The following SETD5 variants were observed in gnomAD, a reference collection of about 807,000 sequenced individuals.
SETD5 encodes SET domain containing 5.
SETD5 carries 44 observed loss-of-function variants against 153.3 expected under a neutral mutation model. The ratio of observed to expected loss-of-function variants is 0.29; its 90% CI spans 0.23 to 0.37. SETD5 has a LOEUF of 0.37. Among genes scored for constraint, SETD5 ranks in the 10% least tolerant of loss-of-function variants. The pLI is 1.00. For missense variants in SETD5, 1,544 were observed against 1,768.0 expected (o/e 0.87, Z 2.27); for synonymous variants, 716 against 645.2 (o/e 1.11, Z -1.66).
At position 9,463,088 on chromosome 3, in the gene SETD5, C is replaced by G. The variant is rs921398242; in HGVS notation, c.2477-1337C>G. Among the ~76,000 whole-genome samples, 58 of 152,176 alleles carry G rather than the reference C, an allele frequency of 3.8e-4. 1 individual carries two copies. The highest frequency in any genetic ancestry group is 1.4e-3 in the African/African-American group (57 of 41,426). ...AGGCTAGAGTACAGTGGTGCAGTCT[C>G]AACTCGCTGCAACCTCTGCCTCCTG... On this transcript the variant is annotated intron_variant, in intron 17 of 22. Coordinates refer to ENST00000402198, the MANE Select transcript of SETD5 (RefSeq NM_001080517.3).
intron 1 of SETD5, among the ~76,000 whole-genome samples, chr3:9,406,062 G>A (rs75809832): frequency 0.018 from 2,738 of 152,200 alleles, 49 homozygotes; most frequent in Non-Finnish European, 0.026. Flanking sequence ...CTACTTCTGC[G>A]TTTATTTTAC....
intron 1 of SETD5, among the ~76,000 whole-genome samples, chr3:9,403,262 A>T (rs897369521): frequency 7.2e-5 from 11 of 152,216 alleles, no homozygotes; most frequent in African/African-American, 1.9e-4. Flanking sequence ...GAAAAATAAA[A>T]AAATAAATAA....
Position 9,397,707 on chromosome 3 carries a change from C to T in SETD5, c.-447C>T. On this transcript the variant is annotated 5_prime_UTR_variant, in exon 1 of 23. Transcript: ENST00000402198. ...GCCGCTGCCGGGGGAGGGGCGGCCGCCGCCCGCCTGCGCTCAGAGACTCAC... is the reference window on the plus strand; with the variant it reads ...GCCGCTGCCGGGGGAGGGGCGGCCGTCGCCCGCCTGCGCTCAGAGACTCAC... 5.6e-6 allele frequency: 1 copy of T among 177,840 alleles called. No individual in the cohort carries two copies. Among genetic ancestry groups the T allele is most frequent in the Non-Finnish European group, 1.1e-5 (1 of 89,370 alleles). The allele number at this position is 177,840 out of a possible 1,614,324, so 11.0% of individuals were successfully genotyped here. A position where few individuals can be genotyped will look rare whatever the true frequency, so the allele number is the denominator to read the frequency against.
chr3:9,428,026 TC>T (rs2039516344), intron 2 of SETD5, among the ~76,000 whole-genome samples: 1 of 152,218 alleles, frequency 6.6e-6, no homozygotes, highest in Admixed American at 6.5e-5. Flanking sequence ...CTTCGTGATT[TC>T]GGGGGTTTTT....
chr3:9,431,319 TATATCTGTTGTGAGC>T, intron 3 of SETD5: 1 of 985,378 alleles, frequency 1.0e-6, no homozygotes, highest in Middle Eastern at 5.2e-4. Flanking sequence ...GTTGATGGAG[TATATCTGTTGTGAGC>T]CTGGTTTCTG....
At chr3:9,474,964 C>G in intron 21 of SETD5, 104 bp from the exon 22 acceptor site, 2 of 982,584 alleles carry the variant, frequency 2.0e-6, no homozygotes, top group South Asian at 3.2e-5. Context: ...ACAAAGAGAG[C>G]AGTACGGGTT....
At position 9,473,024 on chromosome 3, in the gene SETD5, A is replaced by G. The variant is rs144087363; in HGVS notation, c.3196-212A>G. 2.3e-3 allele frequency among the ~76,000 whole-genome samples: 351 copies of G among 152,240 alleles called. 1 individual carries two copies. Among genetic ancestry groups the G allele is most frequent in the African/African-American group, 8.0e-3 (334 of 41,534 alleles). On this transcript the variant is annotated intron_variant, in intron 19 of 22. Transcript: ENST00000402198. Reference sequence around the variant, plus strand: ...CCTCCTAGTTTATTATCTTCCTCTTACCAATTTCCAGCTGCCTTAAATATG... The same window carrying G: ...CCTCCTAGTTTATTATCTTCCTCTTGCCAATTTCCAGCTGCCTTAAATATG...
rs1407724433 is a variant in SETD5 at position 9,470,016 on chromosome 3, A to G, written c.2725-443A>G. Among the ~76,000 whole-genome samples the G allele has an allele frequency of 2.0e-5, 3 of 151,926 alleles. No homozygotes were observed. In the East Asian group the frequency reaches 5.8e-4, roughly 29 times the overall value. The stretch of plus-strand genomic sequence containing the variant: ...CCTTTTTCCCTTCCCCCCACCTTCC[A>G]TCAATATTAATTTAGAAATTGATAA... On this transcript the variant is annotated intron_variant, in intron 18 of 22. Transcript: ENST00000402198.
Position 9,441,727 on chromosome 3 carries a change from G to A in SETD5, c.945G>A (p.Gly315=). 1 of 1,613,948 alleles carries A rather than the reference G, an allele frequency of 6.2e-7. No homozygotes were observed. Among genetic ancestry groups the A allele is most frequent in the Non-Finnish European group, 8.5e-7 (1 of 1,179,844 alleles). ...TACGACAGCAATTTGAGGTCAATGG[G>A]CATTTCTTCAAAAAGTAAGAACGTC... The part of the protein sequence containing the change: ...VMLRQQFEVN[G]HFFKKPYPFV... Residue 315 remains glycine (G), a synonymous_variant, in exon 9 of 23, where the codon GGG becomes GGA. Coordinates refer to ENST00000402198, the MANE Select transcript of SETD5 (RefSeq NM_001080517.3).
intron 3 of SETD5, chr3:9,433,607 C>T: frequency 8.4e-7 from 1 of 1,193,200 alleles, no homozygotes; most frequent in South Asian, 1.4e-5. Context: ...TCTCAGGTGC[C>T]TGCCTTCAGA....
chr3:9,434,837 G>A lies in SETD5; in HGVS notation c.343G>A (p.Gly115Arg), dbSNP rs2040365808. The stretch of plus-strand genomic sequence containing the variant: ...TTCCCTCTTTAGGGGAATGAGCAGG[G>A]GGAAGGTTATTAGACTTCATCGGCG... Reference protein sequence around the residue: ...NCDKCRGMSRGKVIRLHRRKQ... With the variant: ...NCDKCRGMSRRKVIRLHRRKQ... The change falls in exon 6 of 23, where the codon GGG (glycine) becomes AGG (arginine). Residue 115 changes from glycine to arginine, a missense_variant. Gly to Arg is a moderately radical substitution (Grantham distance 125, BLOSUM62 -2). This residue lies in a region of SETD5 where 251 missense variants were observed against 326.9 expected (regional missense o/e 0.77). Coordinates refer to ENST00000402198, the MANE Select transcript of SETD5 (RefSeq NM_001080517.3). This position sits in a 1 kb window ranked among gnomAD's most constrained non-coding sequence, Gnocchi z 5.6. 1 of 1,613,310 alleles carries A rather than the reference G, an allele frequency of 6.2e-7. No individual in the cohort carries two copies. Among genetic ancestry groups the A allele is most frequent in the Admixed American group, 1.7e-5 (1 of 59,928 alleles).
intron 17 of SETD5, among the ~76,000 whole-genome samples, chr3:9,458,314 A>T (rs996674276): frequency 9.2e-5 from 14 of 152,034 alleles, no homozygotes; most frequent in East Asian, 3.8e-4. Flanking sequence ...AAATATATAT[A>T]TTTTTTTAAT....
At position 9,397,660 on chromosome 3, in the gene SETD5, C is replaced by T. The variant is rs1191599198; in HGVS notation, c.-494C>T. On this transcript the variant is annotated 5_prime_UTR_variant, in exon 1 of 23. Coordinates refer to ENST00000402198, the MANE Select transcript of SETD5 (RefSeq NM_001080517.3). ...AGCGGGCTGAGTGAGCTGCCGCCGCCGCCGCCGCCGCCGCCGCCGCCGCCG... is the reference window on the plus strand; with the variant it reads ...AGCGGGCTGAGTGAGCTGCCGCCGCTGCCGCCGCCGCCGCCGCCGCCGCCG... 2.9e-5 allele frequency: 5 copies of T among 173,234 alleles called. No homozygotes were observed. The highest frequency in any genetic ancestry group is 1.7e-4 in the South Asian group (1 of 6,002). 10.7% of individuals were successfully genotyped at this position (173,234 alleles called of 1,614,324 possible). A position where few individuals can be genotyped will look rare whatever the true frequency, so the allele number is the denominator to read the frequency against.
chr3:9,470,313 T>C (rs2045154246), intron 18 of SETD5, 146 bp from the exon 19 acceptor site: 1 of 670,932 alleles, frequency 1.5e-6, no homozygotes, highest in Admixed American at 2.8e-5. Context: ...TACGTGGGAC[T>C]TTTACAGAAT....
intron 3 of SETD5, chr3:9,431,011 A>G (rs1372131262): frequency 1.1e-5 from 11 of 985,284 alleles, no homozygotes; most frequent in Non-Finnish European, 1.3e-5. Flanking sequence ...TAAATTATTA[A>G]TGATATTTAT....
intron 12 of SETD5, 110 bp downstream of exon 12, chr3:9,445,410 C>A (rs1238541358): frequency 1.7e-6 from 2 of 1,178,638 alleles, no homozygotes; most frequent in South Asian, 1.4e-5. Flanking sequence ...ACTTAGTGCC[C>A]TTTATATCAA....
chr3:9,406,050 G>C (rs2035599086), intron 1 of SETD5, among the ~76,000 whole-genome samples: 1 of 152,178 alleles, frequency 6.6e-6, no homozygotes. Context: ...TTGGCAATTA[G>C]ACTACTTCTG....
chr3:9,403,276 T>A (rs1030204033), intron 1 of SETD5, among the ~76,000 whole-genome samples: 1 of 152,020 alleles, frequency 6.6e-6, no homozygotes, highest in African/African-American at 2.4e-5. Flanking sequence ...TAAATAAAGC[T>A]CTGTATAGGT....
intron 18 of SETD5, chr3:9,468,678 T>A: frequency 9.2e-7 from 1 of 1,090,824 alleles, no homozygotes; most frequent in Non-Finnish European, 1.3e-6. Context: ...GTCAGTGGGG[T>A]GATGGGCTGG....
Sources: allele counts gnomAD v4.1 joint callset (sites outside exome capture counted in the v4.1 genomes callset), GRCh38; gene constraint gnomAD v4.1.1; regional missense constraint gnomAD v4.1.1; non-coding constraint Gnocchi (gnomAD v3.1); transcripts MANE v1.5; gene names NCBI Gene and HGNC (gene_info 2026-07-23, HGNC 2026-07-21).